Variants in COLEC10 observed in about 807,000 individuals in gnomAD.
COLEC10 encodes collectin-10.
COLEC10 carries 22 observed loss-of-function variants against 28.4 expected under a neutral mutation model. That is an observed-to-expected ratio of 0.78 (90% CI 0.55 to 1.11). The LOEUF (loss-of-function observed/expected upper bound fraction) is 1.11. COLEC10 is among the 50% of genes least tolerant of loss of function. The pLI is 0.00. For synonymous variants in COLEC10, 125 were observed against 116.1 expected (o/e 1.08, Z -0.49); for missense variants, 361 against 344.1 (o/e 1.05, Z -0.39).
At chr8:118,997,874 G>A (rs1813616430) in intron 1 of COLEC10, among the ~76,000 whole-genome samples, 1 of 152,148 alleles carries the variant, frequency 6.6e-6, no homozygotes, top group South Asian at 2.1e-4. Context: ...GGATGTTAAG[G>A]GAAATGTTTT....
At chr8:119,022,793 T>C (rs750269578) in intron 2 of COLEC10, among the ~76,000 whole-genome samples, 1 of 152,070 alleles carries the variant, frequency 6.6e-6, no homozygotes, top group East Asian at 1.9e-4. Flanking sequence ...CCAGATCAGG[T>C]TCTTCTGTTA....
intron 5 of COLEC10, among the ~76,000 whole-genome samples, 180 bp from the exon 6 acceptor site, chr8:119,105,620 T>C (rs749830249): frequency 6.6e-6 from 1 of 152,164 alleles, no homozygotes; most frequent in East Asian, 1.9e-4. Context: ...GGTAGATATG[T>C]GTTCTCTATT....
intron 2 of COLEC10, among the ~76,000 whole-genome samples, chr8:119,041,977 AG>A: frequency 6.6e-6 from 1 of 152,066 alleles, no homozygotes; most frequent in Admixed American, 6.6e-5. Flanking sequence ...GGCAGGAGGT[AG>A]GGGGAAGCAA....
intron 2 of COLEC10, among the ~76,000 whole-genome samples, chr8:119,024,309 G>GA (rs1382156322): frequency 6.6e-6 from 1 of 152,040 alleles, no homozygotes; most frequent in African/African-American, 2.4e-5. Context: ...AGTGGAAGTG[G>GA]AATAAAATAG....
chr8:119,032,378 CA>C (rs1451870202), intron 2 of COLEC10, among the ~76,000 whole-genome samples: 1 of 151,434 alleles, frequency 6.6e-6, no homozygotes, highest in Non-Finnish European at 1.5e-5. Context: ...GATATGGTGA[CA>C]GATCCACACA....
At chr8:119,036,924 C>T (rs1814399219) in intron 2 of COLEC10, among the ~76,000 whole-genome samples, 1 of 152,218 alleles carries the variant, frequency 6.6e-6, no homozygotes, top group Admixed American at 6.5e-5. Flanking sequence ...GAAGCAGTAG[C>T]TGTAGGTAGA....
chr8:119,002,486 T>C (rs958684545), intron 1 of COLEC10, among the ~76,000 whole-genome samples: 1 of 152,188 alleles, frequency 6.6e-6, no homozygotes, highest in African/African-American at 2.4e-5. Context: ...TGTTAAATAA[T>C]ATTTGCCCTC....
rs79805187 is a variant in COLEC10 at position 119,096,722 on chromosome 8, A to G, written c.292+5502A>G. On this transcript the variant is annotated intron_variant, in intron 3 of 5. Transcript: ENST00000332843. ...TAAAGGGCTTACATGTAAAACATAT[A>G]AAGAGATTATACAAATCACTAAGAA... Among the ~76,000 whole-genome samples the G allele has an allele frequency of 6.8e-4, 103 of 152,296 alleles. 1 individual carries two copies. The highest frequency in any genetic ancestry group is 1.3e-3 in the Non-Finnish European group (90 of 68,018).
chr8:119,101,518 T>A (rs1587066163), intron 3 of COLEC10, among the ~76,000 whole-genome samples: 2 of 152,224 alleles, frequency 1.3e-5, no homozygotes, highest in African/African-American at 4.8e-5. Context: ...AGAATTATTT[T>A]GTGGATACCT....
At chr8:119,070,446 GCTCTCTCTCT>G (rs760543405) in intron 1 of COLEC10, among the ~76,000 whole-genome samples, 2 of 80,600 alleles carry the variant, frequency 2.5e-5, no homozygotes, top group Admixed American at 1.4e-4. Context: ...GTTCTCCCTC[GCTCTCTCTCT>G]CTCTCTCTCT....
intron 2 of COLEC10, among the ~76,000 whole-genome samples, chr8:119,029,421 T>C (rs141508409): frequency 2.6e-5 from 4 of 152,222 alleles, no homozygotes; most frequent in Non-Finnish European, 4.4e-5. Context: ...ACATGGGTAT[T>C]ATGCTATATG....
the COLEC10 span, among the ~76,000 whole-genome samples, chr8:118,978,308 A>T: frequency 6.6e-6 from 1 of 152,072 alleles, no homozygotes; most frequent in East Asian, 1.9e-4. Context: ...CCACTGAAGG[A>T]CCTCTTCATT....
chr8:119,102,550 C>A (rs1194154426), intron 4 of COLEC10, 149 bp downstream of exon 4: 5 of 624,042 alleles, frequency 8.0e-6, no homozygotes, highest in East Asian at 3.0e-5. Flanking sequence ...AAGAAGGGGA[C>A]TTTCCTGTCT....
Position 119,030,191 on chromosome 8 carries a change from A to G in COLEC10, n.235+20638A>G, listed in dbSNP as rs58728377. Among the ~76,000 whole-genome samples the G allele has an allele frequency of 7.1e-3, 1,085 of 152,302 alleles. 10 individuals are homozygous for G. The highest frequency in any genetic ancestry group is 0.025 in the African/African-American group (1,049 of 41,558). ...ATCTTAATTGTGGTCATCAATTGTAAAAGACTTTTATAGGAATATCAGGTA... is the reference window on the plus strand; with the variant it reads ...ATCTTAATTGTGGTCATCAATTGTAGAAGACTTTTATAGGAATATCAGGTA... On this transcript the variant is annotated intron_variant and non_coding_transcript_variant, in intron 2 of 6. Transcript: ENST00000521788.
chr8:118,971,409 A>G, the COLEC10 span, among the ~76,000 whole-genome samples: 1 of 151,966 alleles, frequency 6.6e-6, no homozygotes, highest in Non-Finnish European at 1.5e-5. Context: ...AGGGGGAATT[A>G]GGAGTGGTAA....
At chr8:118,976,791 C>T in the COLEC10 span, among the ~76,000 whole-genome samples, 1 of 152,100 alleles carries the variant, frequency 6.6e-6, no homozygotes, top group East Asian at 1.9e-4. Context: ...GCAAAAGAAA[C>T]TACCATCAGA....
At chr8:119,084,234 G>A (rs1224496095) in intron 1 of COLEC10, among the ~76,000 whole-genome samples, 1 of 152,146 alleles carries the variant, frequency 6.6e-6, no homozygotes, top group Non-Finnish European at 1.5e-5. Flanking sequence ...TGGGAGCACT[G>A]AGAGTTTAAA....
intron 5 of COLEC10, 41 bp downstream of exon 5, chr8:119,103,936 TCTCCATCA>T: frequency 2.4e-6 from 3 of 1,275,048 alleles, no homozygotes; most frequent in Non-Finnish European, 2.3e-6. Context: ...TATTGATAGA[TCTCCATCA>T]ACACTACAAT....
chr8:118,959,200 T>C, the COLEC10 span, among the ~76,000 whole-genome samples: 3 of 152,190 alleles, frequency 2.0e-5, no homozygotes, highest in Non-Finnish European at 4.4e-5. Flanking sequence ...TTTCTTTTCA[T>C]GGTCTTTTTA....
Sources: allele counts gnomAD v4.1 joint callset (sites outside exome capture counted in the v4.1 genomes callset), GRCh38; gene constraint gnomAD v4.1.1; transcripts MANE v1.5; gene names NCBI Gene and HGNC (gene_info 2026-07-23, HGNC 2026-07-21).